Variants in PDE4D observed in about 807,000 individuals in gnomAD.
PDE4D encodes the protein phosphodiesterase 4D, also known as 3',5'-cyclic-AMP phosphodiesterase 4D.
In PDE4D, 24 loss-of-function variants were observed where a neutral mutation model predicts 87.4. The observed-to-expected ratio is 0.27, with a 90% CI of 0.20 to 0.39. The LOEUF is 0.39. PDE4D is among the 10% of genes least tolerant of loss of function. The pLI, the probability that PDE4D is intolerant of heterozygous loss-of-function variation, is 1.00. For missense variants in PDE4D, 714 were observed against 1,041.0 expected (o/e 0.69, Z 4.32); for synonymous variants, 384 against 383.2 (o/e 1.00, Z -0.02).
intron 1 of PDE4D, among the ~76,000 whole-genome samples, chr5:60,310,465 G>T (rs1329878257): frequency 6.6e-6 from 1 of 152,164 alleles, no homozygotes; most frequent in African/African-American, 2.4e-5. Flanking sequence ...GAGAGGAACT[G>T]AAGTTTATTC....
At chr5:59,115,370 T>C (rs991187676) in intron 5 of PDE4D, among the ~76,000 whole-genome samples, 14 of 152,266 alleles carry the variant, frequency 9.2e-5, no homozygotes, top group Non-Finnish European at 1.3e-4. Flanking sequence ...TTTCAAATGA[T>C]TTTGTAGATT....
At chr5:60,379,900 A>T (rs1761727470) in intron 1 of PDE4D, among the ~76,000 whole-genome samples, 1 of 152,148 alleles carries the variant, frequency 6.6e-6, no homozygotes, top group Non-Finnish European at 1.5e-5. Context: ...TTCTTCTTAC[A>T]TTAATTGATT....
intron 1 of PDE4D, among the ~76,000 whole-genome samples, chr5:59,388,626 T>TACACACACACACACACACACACAC (rs71604788): frequency 3.7e-4 from 55 of 148,210 alleles, no homozygotes; most frequent in South Asian, 6.4e-4. Context: ...GAAAATGTGG[T>TACACACACACACACACACACACAC]ACACACACAC....
chr5:60,389,214 C>G (rs1583602256), intron 1 of PDE4D, among the ~76,000 whole-genome samples: 1 of 152,130 alleles, frequency 6.6e-6, no homozygotes, highest in African/African-American at 2.4e-5. Context: ...CCAAATTGCA[C>G]TTTATAACAC....
chr5:60,496,405 G>A (rs769604166), intron 1 of PDE4D, among the ~76,000 whole-genome samples: 1 of 152,078 alleles, frequency 6.6e-6, no homozygotes, highest in Non-Finnish European at 1.5e-5. Flanking sequence ...AGAAAACAAT[G>A]ACTCAATATG....
In PDE4D at chr5:59,205,697, CA is replaced by C. The variant is rs1234564310; in HGVS notation, c.647+10079del. 1.2e-4 allele frequency among the ~76,000 whole-genome samples: 17 copies of C among 145,566 alleles called. No homozygotes were observed. In the East Asian group the frequency reaches 3.3e-3, roughly 29 times the overall value. ...ACACACACACACACACACACACACACACCAATCCACAAAAACAAAACTGATC... is the reference window on the plus strand; with the variant it reads ...ACACACACACACACACACACACACACCCAATCCACAAAAACAAAACTGATC... On this transcript the variant is annotated intron_variant, in intron 2 of 14. Transcript: ENST00000340635.
chr5:59,067,033 G>T lies in PDE4D; in HGVS notation c.809-28062C>A, dbSNP rs1049580613. 1.7e-3 allele frequency among the ~76,000 whole-genome samples: 169 copies of T among 101,698 alleles called. 1 individual carries two copies. The highest frequency in any genetic ancestry group is 2.5e-3 in the Admixed American group (25 of 9,964). The allele number at this position is 101,698 out of a possible 152,430, so 66.7% of individuals were successfully genotyped here. A position where few individuals can be genotyped will look rare whatever the true frequency, so the allele number is the denominator to read the frequency against. On this transcript the variant is annotated intron_variant, in intron 5 of 14. Transcript: ENST00000340635. ...ATTTATTTATTTATTTATTTATTTA[G>T]AGAGAGAGTTTTGCTCTGTCACTCG...
At chr5:59,131,329 T>A (rs1776225869) in intron 5 of PDE4D, among the ~76,000 whole-genome samples, 1 of 152,130 alleles carries the variant, frequency 6.6e-6, no homozygotes, top group Non-Finnish European at 1.5e-5. Context: ...TCCATCCCAG[T>A]GCCTAGTACA....
At chr5:59,077,606 T>C (rs1765938766) in intron 5 of PDE4D, among the ~76,000 whole-genome samples, 1 of 151,978 alleles carries the variant, frequency 6.6e-6, no homozygotes, top group Admixed American at 6.6e-5. Flanking sequence ...TAGCTGGGAC[T>C]GCAGGCACAC....
chr5:60,043,447 AC>A (rs1768765287), intron 2 of PDE4D, among the ~76,000 whole-genome samples: 1 of 152,116 alleles, frequency 6.6e-6, no homozygotes, highest in Admixed American at 6.6e-5. Flanking sequence ...TACAGAGAAC[AC>A]CACAAAGATA....
chr5:59,267,942 C>A (rs956828503), intron 1 of PDE4D, among the ~76,000 whole-genome samples: 4 of 152,008 alleles, frequency 2.6e-5, no homozygotes, highest in Non-Finnish European at 4.4e-5. Context: ...GGGCAAATGT[C>A]CTCTACACTG....
At chr5:59,988,792 C>G (rs1377744344) in intron 2 of PDE4D, 2 of 746,522 alleles carry the variant, frequency 2.7e-6, no homozygotes, top group Non-Finnish European at 4.2e-6. Context: ...TGGCTTAATA[C>G]TTTCCTGGGA....
At chr5:60,361,039 C>T (rs1164634513) in intron 1 of PDE4D, among the ~76,000 whole-genome samples, 3 of 152,220 alleles carry the variant, frequency 2.0e-5, no homozygotes, top group African/African-American at 7.2e-5. Context: ...GCCACCAACA[C>T]CCTACAAAGT....
chr5:59,717,844 C>T (rs1335593918), intron 1 of PDE4D, among the ~76,000 whole-genome samples: 1 of 152,216 alleles, frequency 6.6e-6, no homozygotes, highest in Non-Finnish European at 1.5e-5. Context: ...TCATTCAGTC[C>T]TCCAACAACC....
At chr5:60,072,444 C>T (rs1772827867) in intron 2 of PDE4D, among the ~76,000 whole-genome samples, 2 of 152,108 alleles carry the variant, frequency 1.3e-5, no homozygotes, top group Non-Finnish European at 2.9e-5. Context: ...TATTTTCTCC[C>T]ATTCTGTAGG....
intron 1 of PDE4D, among the ~76,000 whole-genome samples, chr5:60,414,086 T>G (rs1468812570): frequency 1.3e-5 from 2 of 152,222 alleles, no homozygotes; most frequent in Admixed American, 6.5e-5. Context: ...CCTTAGTACA[T>G]GCTGTGATAA....
At chr5:58,994,026 A>G (rs1328036917) in intron 6 of PDE4D, among the ~76,000 whole-genome samples, 3 of 152,204 alleles carry the variant, frequency 2.0e-5, no homozygotes, top group Non-Finnish European at 4.4e-5. Flanking sequence ...TTTTACTCCA[A>G]AGCAAAACTT....
At chr5:60,207,640 A>T (rs1019844904) in intron 1 of PDE4D, among the ~76,000 whole-genome samples, 2 of 152,266 alleles carry the variant, frequency 1.3e-5, no homozygotes, top group Non-Finnish European at 2.9e-5. Flanking sequence ...AATAGATCAT[A>T]TATAAGAAGT....
chr5:59,536,123 G>T (rs1189023430), intron 1 of PDE4D, among the ~76,000 whole-genome samples: 1 of 151,966 alleles, frequency 6.6e-6, no homozygotes, highest in Non-Finnish European at 1.5e-5. Flanking sequence ...CTAAAACAAA[G>T]AATAAAAATA....
Sources: gnomAD v4.1 joint callset for allele counts (sites outside exome capture counted in the v4.1 genomes callset) on GRCh38, gnomAD v4.1.1 for gene constraint, MANE v1.5 for transcripts, NCBI Gene and HGNC (gene_info 2026-07-23, HGNC 2026-07-21) for gene names.